The following PUS1 variants were observed in gnomAD, a reference collection of about 807,000 sequenced individuals.
PUS1 encodes pseudouridine synthase 1.
Under a neutral mutation model 38.5 loss-of-function variants are expected in PUS1, and 25 were observed. The ratio of observed to expected loss-of-function variants is 0.65; its 90% confidence interval spans 0.47 to 0.91. The LOEUF is 0.91. Ranked by LOEUF, PUS1 falls within the 40% of genes least tolerant of loss-of-function variation. The probability of loss-of-function intolerance (pLI) is 0.00; values close to 1 mark genes in which losing one functional copy is unlikely to be tolerated. For missense variants in PUS1, 597 were observed against 612.3 expected (o/e 0.97, Z 0.26); for synonymous variants, 282 against 260.4 (o/e 1.08, Z -0.80).
Position 131,945,815 on chromosome 12 carries a change from C to A in PUS1, c.*2229C>A, listed in dbSNP as rs1181330186. On this transcript the variant is annotated 3_prime_UTR_variant, in exon 6 of 6. Coordinates refer to ENST00000376649, the MANE Select transcript of PUS1 (RefSeq NM_025215.6). ...CCCGGCCTGGGTGACCCATTTAAAT[C>A]ACTTTTGATGATCCTGGGGTATGTG... 1.3e-5 allele frequency: 2 copies of A among 152,106 alleles called. No individual in the cohort carries two copies. The highest frequency in any genetic ancestry group is 2.4e-5 in the African/African-American group (1 of 41,424). 9.4% of individuals were successfully genotyped at this position (152,106 alleles called of 1,614,324 possible).
At chr12:131,943,392 A>T (rs757486308) in intron 5 of PUS1, 147 bp from the exon 6 acceptor site, 33 of 762,646 alleles carry the variant, frequency 4.3e-5, no homozygotes, top group Non-Finnish European at 6.9e-5. Flanking sequence ...TAAGAGAATG[A>T]CCGAGAACAA....
At chr12:131,943,274 T>G (rs1418815709) in intron 5 of PUS1, among the ~76,000 whole-genome samples, 1 of 152,230 alleles carries the variant, frequency 6.6e-6, no homozygotes, top group African/African-American at 2.4e-5. Context: ...GGCCCCATTT[T>G]ATTTTCCCCT....
intron 3 of PUS1, among the ~76,000 whole-genome samples, chr12:131,937,317 C>G (rs969416352): frequency 5.9e-5 from 9 of 152,208 alleles, no homozygotes; most frequent in Non-Finnish European, 1.2e-4. Flanking sequence ...TTCCCAGATT[C>G]ACCAAGGTTA....
rs1256205255 is a variant in PUS1 at position 131,944,350 on chromosome 12, C to G, written c.*764C>G. 1 of 152,074 alleles carries G rather than the reference C, an allele frequency of 6.6e-6. No homozygotes were observed. Among genetic ancestry groups the G allele is most frequent in the Admixed American group, 6.6e-5 (1 of 15,254 alleles). The allele number at this position is 152,074 out of a possible 1,614,324, so 9.4% of individuals were successfully genotyped here. A position where few individuals can be genotyped will look rare whatever the true frequency, so the allele number is the denominator to read the frequency against. ...CCAGCATGGAGAAACCCCGTCTCTA[C>G]TAAAAATACAAAAATTAGCTGGGCG... On this transcript the variant is annotated 3_prime_UTR_variant, in exon 6 of 6. Coordinates refer to ENST00000376649, the MANE Select transcript of PUS1 (RefSeq NM_025215.6).
At chr12:131,932,392 G>T (rs1016408223) in intron 3 of PUS1, 80 bp downstream of exon 3, 36 of 1,499,104 alleles carry the variant, frequency 2.4e-5, no homozygotes, top group Non-Finnish European at 3.3e-5. Context: ...GTTCTGGCTT[G>T]TTATGCTGTT....
rs1891105065 is a variant in PUS1 at position 131,942,125 on chromosome 12, C to G, written c.1236+142C>G. Reference sequence around the variant, plus strand: ...TGCTGCAGGAGCAGGGGCAGGCGGTCTTGAGATGTTCCTTGTCTGCATGCC... The same window carrying G: ...TGCTGCAGGAGCAGGGGCAGGCGGTGTTGAGATGTTCCTTGTCTGCATGCC... On this transcript the variant is annotated intron_variant, in intron 5 of 5. Coordinates refer to ENST00000376649, the MANE Select transcript of PUS1 (RefSeq NM_025215.6). 6.0e-5 allele frequency: 51 copies of G among 846,522 alleles called. No individual in the cohort carries two copies. The South Asian group carries it at 7.8e-4, about 13-fold the overall frequency. The allele number at this position is 846,522 out of a possible 1,614,324, so 52.4% of individuals were successfully genotyped here. A position where few individuals can be genotyped will look rare whatever the true frequency, so the allele number is the denominator to read the frequency against.
intron 5 of PUS1, 102 bp from the exon 6 acceptor site, chr12:131,943,437 G>A (rs1891174970): frequency 2.2e-6 from 2 of 925,852 alleles, no homozygotes; most frequent in African/African-American, 1.6e-5. Context: ...GGAGTGGTGG[G>A]GGCAAGGCTC....
At chr12:131,942,649 A>G (rs562485062) in intron 5 of PUS1, among the ~76,000 whole-genome samples, 1,632 of 152,032 alleles carry the variant, frequency 0.011, 11 homozygotes, top group Non-Finnish European at 0.013. Context: ...CTTGTGATCC[A>G]CCCGCCTTGG....
Position 131,941,726 on chromosome 12 carries a change from A to G in PUS1, c.979A>G (p.Lys327Glu). The change falls in exon 5 of 6, where the codon AAG (lysine) becomes GAG (glutamate). Residue 327 changes from lysine (K) to glutamate (E), a missense_variant. Physicochemically the swap from Lys to Glu is moderately conservative, Grantham distance 56. Transcript: ENST00000376649. This position sits in a 1 kb window ranked among gnomAD's most constrained non-coding sequence, Gnocchi z 4.4. ...SWGTEKVDVP[K>E]APGLGLVLER... is the part of the protein sequence containing the mutation. ...GGGCACAGAGAAGGTGGACGTGCCC[A>G]AGGCGCCCGGACTCGGCCTGGTCCT... The G allele has an allele frequency of 6.2e-7, 1 of 1,614,148 alleles. No homozygotes were observed. The highest frequency in any genetic ancestry group is 8.5e-7 in the Non-Finnish European group (1 of 1,180,032).
chr12:131,941,040 T>C lies in PUS1; in HGVS notation c.545-252T>C. ...GAGACATTCCGTATCTTCTCACTAT[T>C]GGAAAATTACAATAAATGGTTGTAA... On this transcript the variant is annotated intron_variant, in intron 4 of 5. Coordinates refer to ENST00000376649, the MANE Select transcript of PUS1 (RefSeq NM_025215.6). This position sits in a 1 kb window ranked among gnomAD's most constrained non-coding sequence, Gnocchi z 4.4. 4 of 551,930 alleles carry C rather than the reference T, an allele frequency of 7.2e-6. No individual in the cohort carries two copies. The highest frequency in any genetic ancestry group is 9.8e-6 in the Non-Finnish European group (3 of 307,280). The allele number at this position is 551,930 out of a possible 1,614,324, so 34.2% of individuals were successfully genotyped here. A position where few individuals can be genotyped will look rare whatever the true frequency, so the allele number is the denominator to read the frequency against.
intron 3 of PUS1, among the ~76,000 whole-genome samples, chr12:131,938,571 C>T (rs1011556568): frequency 2.0e-5 from 3 of 152,176 alleles, no homozygotes. Flanking sequence ...TACCTGTGTA[C>T]GCACTGCCTG....
Position 131,945,407 on chromosome 12 carries a change from G to C in PUS1, c.*1821G>C, listed in dbSNP as rs527248430. On this transcript the variant is annotated 3_prime_UTR_variant, in exon 6 of 6. Coordinates refer to ENST00000376649, the MANE Select transcript of PUS1 (RefSeq NM_025215.6). Reference sequence around the variant, plus strand: ...GATGAGCTGGGCCGTTAACTGGAACGGGAGACAGGGAAAGGAATGGGTTTG... The same window carrying C: ...GATGAGCTGGGCCGTTAACTGGAACCGGAGACAGGGAAAGGAATGGGTTTG... 2 of 152,258 alleles carry C rather than the reference G, an allele frequency of 1.3e-5. No individual in the cohort carries two copies. Among genetic ancestry groups the C allele is most frequent in the Non-Finnish European group, 2.9e-5 (2 of 68,066 alleles). The allele number at this position is 152,258 out of a possible 1,614,324, so 9.4% of individuals were successfully genotyped here.
At chr12:131,939,140 C>T (rs1890959109) in intron 3 of PUS1, 33 bp from the exon 4 acceptor site, 1 of 1,442,034 alleles carries the variant, frequency 6.9e-7, no homozygotes, top group African/African-American at 1.4e-5. Flanking sequence ...CCAAGGGACC[C>T]ACCTTCCGTC....
In PUS1 at chr12:131,937,406, C is replaced by T. The variant is rs528652201; in HGVS notation, c.442-1767C>T. On this transcript the variant is annotated intron_variant, in intron 3 of 5. Transcript: ENST00000376649. ...TTTTATTTTTTGAGATGGAGTTTCA[C>T]TCTTGTTGCCCAGGTTGGAGTGCAA... 3.0e-3 allele frequency among the ~76,000 whole-genome samples: 464 copies of T among 152,206 alleles called. 4 individuals are homozygous for T. Among genetic ancestry groups the T allele is most frequent in the African/African-American group, 0.011 (448 of 41,532 alleles).
At chr12:131,934,528 G>A (rs1054280641) in intron 3 of PUS1, 1 of 152,158 alleles carries the variant, frequency 6.6e-6, no homozygotes, top group African/African-American at 2.4e-5. Flanking sequence ...TATTATAATA[G>A]TAAAGAGTAA....
chr12:131,932,264 T>C lies in PUS1; in HGVS notation c.393T>C (p.Gly131=). The C allele has an allele frequency of 6.2e-7, 1 of 1,614,030 alleles. No homozygotes were observed. The highest frequency in any genetic ancestry group is 8.5e-7 in the Non-Finnish European group (1 of 1,179,924). ...VRSGCIPENH[G]EDMRKMSFQR... ...CAGGCTGTATTCCTGAAAATCATGG[T>C]GAGGACATGAGGAAAATGTCCTTCC... Residue 131 remains glycine, a synonymous_variant, in exon 3 of 6, where the codon GGT becomes GGC. Transcript: ENST00000376649.
At chr12:131,930,975 C>T (rs1280880468) in intron 2 of PUS1, among the ~76,000 whole-genome samples, 1 of 152,164 alleles carries the variant, frequency 6.6e-6, no homozygotes, top group Non-Finnish European at 1.5e-5. Flanking sequence ...GTAGACATTC[C>T]TTTTGTTCCT....
intron 3 of PUS1, chr12:131,934,522 A>G (rs1890741079): frequency 6.6e-6 from 1 of 152,228 alleles, no homozygotes; most frequent in Non-Finnish European, 1.5e-5. Flanking sequence ...AGAGATTATT[A>G]TAATAGTAAA....
chr12:131,932,213 T>A lies in PUS1; in HGVS notation c.342T>A (p.Asp114Glu). 6.2e-7 allele frequency: 1 copy of A among 1,614,144 alleles called. No homozygotes were observed. Among genetic ancestry groups the A allele is most frequent in the Non-Finnish European group, 8.5e-7 (1 of 1,179,970 alleles). ...CCTCACAATTCAAAACAATTGAAGATGACTTGGTGTCCGCCCTCGTCCGGT... is the reference window on the plus strand; with the variant it reads ...CCTCACAATTCAAAACAATTGAAGAAGACTTGGTGTCCGCCCTCGTCCGGT... The part of the protein sequence containing the change: ...VGSSQFKTIE[D>E]DLVSALVRSG... The change falls in exon 3 of 6, where the codon GAT becomes GAA. Residue 114 changes from aspartate (D) to glutamate (E), a missense_variant. By Grantham distance (45) the Asp-to-Glu change is conservative. Transcript: ENST00000376649.
Sources: gnomAD v4.1 joint callset for allele counts (sites outside exome capture counted in the v4.1 genomes callset) on GRCh38, gnomAD v4.1.1 for gene constraint, Gnocchi (gnomAD v3.1) non-coding constraint, MANE v1.5 for transcripts, NCBI Gene and HGNC (gene_info 2026-07-23, HGNC 2026-07-21) for gene names.